Variants in SI observed in about 807,000 individuals in gnomAD.
The protein encoded by SI is sucrase-isomaltase, intestinal.
Under a neutral mutation model 253.3 loss-of-function variants are expected in SI, and 235 were observed. The ratio of observed to expected loss-of-function variants is 0.93; its 90% CI spans 0.83 to 1.03. SI has a LOEUF of 1.03. Among genes scored for constraint, SI ranks in the 50% least tolerant of loss-of-function variants. The pLI is 0.00. For synonymous variants in SI, 819 were observed against 712.0 expected (o/e 1.15, Z -2.39); for missense variants, 2,442 against 2,211.1 (o/e 1.10, Z -2.09).
chr3:165,013,703 A>G (rs541130880), intron 33 of SI, among the ~76,000 whole-genome samples: 7 of 152,298 alleles, frequency 4.6e-5, no homozygotes, highest in Non-Finnish European at 8.8e-5. Context: ...TCCACCAAAA[A>G]GGAATTATTT....
chr3:165,083,754 T>C, the SI span, among the ~76,000 whole-genome samples: 1 of 152,034 alleles, frequency 6.6e-6, no homozygotes, highest in Non-Finnish European at 1.5e-5. Context: ...CCTTCCATTA[T>C]GTAACTTGCC....
chr3:165,029,225 A>T (rs1460138290), intron 25 of SI, among the ~76,000 whole-genome samples: 2 of 151,136 alleles, frequency 1.3e-5, no homozygotes, highest in Non-Finnish European at 3.0e-5. Context: ...TAAAACAACA[A>T]TGTAATACCA....
At chr3:165,014,645 A>T (rs2108170030) in intron 33 of SI, among the ~76,000 whole-genome samples, 1 of 152,278 alleles carries the variant, frequency 6.6e-6, no homozygotes, top group South Asian at 2.1e-4. Context: ...AAGCCAAATC[A>T]AAATATTTTT....
In SI at chr3:165,015,955, G is replaced by A. The variant is rs146099638; in HGVS notation, c.3885C>T (p.Ile1295=). The change falls in exon 32 of 48, where the codon ATC becomes ATT. Residue 1295 remains isoleucine (I), a synonymous_variant. Transcript: ENST00000264382. ...IRGEGMRYII[I]LDPAISGNET... is the part of the protein sequence containing the mutation. ...CAGGTAAACTCCAAGTACTGACCAG[G>A]ATAATAATGTATCTCATTCCTTCTC... The A allele has an allele frequency of 7.5e-6, 12 of 1,609,720 alleles. No homozygotes were observed. The highest frequency in any genetic ancestry group is 2.2e-5 in the East Asian group (1 of 44,744).
At chr3:165,071,284 C>T (rs941163313) in intron 3 of SI, among the ~76,000 whole-genome samples, 3 of 151,738 alleles carry the variant, frequency 2.0e-5, no homozygotes, top group Non-Finnish European at 4.4e-5. Flanking sequence ...ATTTATCTTG[C>T]GAAGATTTTG....
At chr3:165,035,578 TC>T in intron 22 of SI, among the ~76,000 whole-genome samples, 1 of 151,654 alleles carries the variant, frequency 6.6e-6, no homozygotes, top group Admixed American at 6.6e-5. Context: ...TTTAGGATAG[TC>T]TTTTTCTTCT....
chr3:165,015,225 T>G lies in SI; in HGVS notation c.3897A>C (p.Ala1299=). 5 of 1,610,536 alleles carry G rather than the reference T, an allele frequency of 3.1e-6. No homozygotes were observed. The highest frequency in any genetic ancestry group is 4.2e-6 in the Non-Finnish European group (5 of 1,176,964). The change falls in exon 33 of 48, where the codon GCA becomes GCC. Residue 1299 remains alanine, a synonymous_variant. Transcript: ENST00000264382. The part of the protein sequence containing the change: ...GMRYIIILDP[A]ISGNETKTYP... ...AAGTCTTTGTTTCATTTCCTGAAAT[T>G]GCTGGATCCTAAAATTAAAATGAAA...
At position 164,987,174 on chromosome 3, in the gene SI, G is replaced by A; in HGVS notation, c.5161C>T (p.Gln1721Ter). The A allele has an allele frequency of 6.2e-7, 1 of 1,613,662 alleles. No individual in the cohort carries two copies. The highest frequency in any genetic ancestry group is 8.5e-7 in the Non-Finnish European group (1 of 1,179,758). The change falls in exon 45 of 48, where the codon CAG (glutamine) becomes TAG (stop). Residue 1721 changes from glutamine to a stop codon, truncating the protein, a stop_gained. Coordinates refer to ENST00000264382, the MANE Select transcript of SI (RefSeq NM_001041.4). LOFTEE classifies it high-confidence loss of function. ...CCATCATCCCAAAACAGAGAACCCT[G>A]TGCCATCTGATTATCATCTGCAGCA... Reference protein sequence around the residue: ...IVAADDNQMAQGSLFWDDGES... With the variant: ...IVAADDNQMA
At chr3:165,022,591 C>G (rs1246336505) in intron 26 of SI, among the ~76,000 whole-genome samples, 4 of 145,570 alleles carry the variant, frequency 2.7e-5, no homozygotes, top group Non-Finnish European at 6.1e-5. Context: ...GCTTTTGTGC[C>G]ATCACACATA....
intron 44 of SI, among the ~76,000 whole-genome samples, chr3:164,988,952 A>G (rs925134591): frequency 6.6e-6 from 1 of 152,078 alleles, no homozygotes; most frequent in African/African-American, 2.4e-5. Context: ...GAAATCTGGG[A>G]TAGCCTTCAT....
rs369215552 is a variant in SI, at chr3:165,039,031, T to C, written c.2301+47A>G. On this transcript the variant is annotated intron_variant, in intron 20 of 47. Coordinates refer to ENST00000264382, the MANE Select transcript of SI (RefSeq NM_001041.4). The stretch of plus-strand genomic sequence containing the variant: ...AATTAAGTTTCTATGTAGAAGTGTT[T>C]GAAAATATAATACTTGTGAGTCCAT... The C allele has an allele frequency of 1.6e-5, 20 of 1,253,782 alleles. No individual in the cohort carries two copies. In the South Asian group the frequency reaches 1.7e-4, roughly 11 times the overall value. 77.7% of individuals were successfully genotyped at this position (1,253,782 alleles called of 1,614,324 possible). A position where few individuals can be genotyped will look rare whatever the true frequency, so the allele number is the denominator to read the frequency against.
At chr3:164,986,070 A>G (rs1717419136) in intron 45 of SI, among the ~76,000 whole-genome samples, 1 of 152,152 alleles carries the variant, frequency 6.6e-6, no homozygotes, top group Admixed American at 6.6e-5. Flanking sequence ...AGTAGATATA[A>G]AAACACAGAA....
intron 20 of SI, 133 bp downstream of exon 20, chr3:165,038,944 AT>A: frequency 3.4e-6 from 2 of 592,062 alleles, no homozygotes; most frequent in Non-Finnish European, 3.0e-6. Context: ...TGAAATTATT[AT>A]TTTTTATAGT....
chr3:165,049,146 T>C lies in SI; in HGVS notation c.1696A>G (p.Met566Val), dbSNP rs1328307592. 6.3e-7 allele frequency: 1 copy of C among 1,583,202 alleles called. No individual in the cohort carries two copies. The change falls in exon 15 of 48, where the codon ATG (methionine) becomes GTG (valine). Residue 566 changes from methionine (M) to valine (V), a missense_variant. By Grantham distance (21) the Met-to-Val change is conservative. Transcript: ENST00000264382. ...YDVHSLYGYSMAIATEQAVQK... is the reference protein window; with the variant it reads ...YDVHSLYGYSVAIATEQAVQK... The stretch of plus-strand genomic sequence containing the variant: ...ACTTACTGCTCTGTGGCTATAGCCA[T>C]GCTGTATCCATAGAGGCTATGAACA...
intron 44 of SI, among the ~76,000 whole-genome samples, chr3:164,987,438 C>T (rs747796564): frequency 7.2e-5 from 11 of 152,162 alleles, no homozygotes; most frequent in Non-Finnish European, 1.5e-4. Flanking sequence ...AGGCCGGGTG[C>T]GGTGGCTCAC....
intron 17 of SI, among the ~76,000 whole-genome samples, chr3:165,041,795 T>C: frequency 6.6e-6 from 1 of 152,094 alleles, no homozygotes; most frequent in Non-Finnish European, 1.5e-5. Context: ...CCTCAACTAC[T>C]GTCTCCCTGA....
intron 8 of SI, 81 bp downstream of exon 8, chr3:165,063,361 T>G (rs150560701): frequency 1.4e-6 from 1 of 715,146 alleles, no homozygotes; most frequent in Non-Finnish European, 2.5e-6. Flanking sequence ...TCACATACAA[T>G]ATGAATGATT....
chr3:165,059,770 C>T, intron 10 of SI, 132 bp downstream of exon 10: 2 of 922,650 alleles, frequency 2.2e-6, no homozygotes, highest in Non-Finnish European at 3.4e-6. Context: ...ATATACTTTA[C>T]AATTAAAAGG....
chr3:165,018,554 T>C (rs969944201), intron 28 of SI, among the ~76,000 whole-genome samples: 1 of 150,580 alleles, frequency 6.6e-6, no homozygotes, highest in African/African-American at 2.4e-5. Flanking sequence ...TATAGAACAT[T>C]TAAAGTTTTA....
Sources: gnomAD v4.1 joint callset for allele counts (sites outside exome capture counted in the v4.1 genomes callset) on GRCh38, gnomAD v4.1.1 for gene constraint, MANE v1.5 for transcripts, NCBI Gene and HGNC (gene_info 2026-07-23, HGNC 2026-07-21) for gene names.